VWA3A: variants seen among roughly 807,000 people sequenced by gnomAD.
VWA3A encodes von Willebrand factor A domain containing 3A.
A neutral mutation model predicts 160.4 loss-of-function variants in VWA3A; 134 were observed. That is an observed-to-expected ratio of 0.84 (90% CI 0.73 to 0.96). The LOEUF is 0.96. Ranked by LOEUF, VWA3A falls within the 40% of genes least tolerant of loss-of-function variation. VWA3A has a pLI of 0.00. For missense variants in VWA3A, 1,310 were observed against 1,447.9 expected (o/e 0.90, Z 1.55); for synonymous variants, 476 against 543.4 (o/e 0.88, Z 1.72).
At chr16:22,122,730 G>A (rs1031703265) in intron 14 of VWA3A, among the ~76,000 whole-genome samples, 5 of 152,114 alleles carry the variant, frequency 3.3e-5, no homozygotes, top group African/African-American at 9.7e-5. Context: ...ATATTTTAAG[G>A]TCTCCAACTG....
chr16:22,106,552 C>T (rs556977791), intron 6 of VWA3A, among the ~76,000 whole-genome samples: 2 of 152,002 alleles, frequency 1.3e-5, no homozygotes, highest in South Asian at 2.1e-4. Context: ...GAGGCAGGAA[C>T]GAGCTTGGTA....
At chr16:22,126,429 T>A in intron 17 of VWA3A, 132 bp downstream of exon 17, 1 of 1,291,536 alleles carries the variant, frequency 7.7e-7, no homozygotes, top group Non-Finnish European at 1.0e-6. Context: ...AGGATAGCCA[T>A]CGGTTTATCT....
intron 6 of VWA3A, among the ~76,000 whole-genome samples, chr16:22,105,337 T>C (rs565841782): frequency 6.6e-6 from 1 of 152,262 alleles, no homozygotes; most frequent in South Asian, 2.1e-4. Flanking sequence ...AGGGAAACGA[T>C]CACCTGTAAA....
At chr16:22,120,885 A>ATT in intron 12 of VWA3A, 83 bp from the exon 13 acceptor site, 1 of 1,535,748 alleles carries the variant, frequency 6.5e-7, no homozygotes, top group Non-Finnish European at 8.9e-7. Context: ...CTCCACTTGC[A>ATT]TTGACTGGGT....
Position 22,113,363 on chromosome 16 carries a change from C to CTTTTTTTTTTTTTTTTTTTTTT in VWA3A, c.690-1972_690-1951dup, listed in dbSNP as rs569069206. Among the ~76,000 whole-genome samples, 16 of 46,258 alleles carry CTTTTTTTTTTTTTTTTTTTTTT rather than the reference C, an allele frequency of 3.5e-4. 2 individuals carry two copies. Among genetic ancestry groups the CTTTTTTTTTTTTTTTTTTTTTT allele is most frequent in the East Asian group, 1.3e-3 (1 of 794 alleles). 30.3% of individuals were successfully genotyped at this position (46,258 alleles called of 152,430 possible). On this transcript the variant is annotated intron_variant, in intron 8 of 33. Coordinates refer to ENST00000389398, the MANE Select transcript of VWA3A (RefSeq NM_173615.5). ...TGCTCCACAATGCCTGGCTAATTTT[C>CTTTTTTTTTTTTTTTTTTTTTT]TTTTTTTTTTTTTTTTTTTTTTTTT...
chr16:22,121,500 C>T lies in VWA3A; in HGVS notation c.1253-14C>T, dbSNP rs2045733374. 3 of 1,603,456 alleles carry T rather than the reference C, an allele frequency of 1.9e-6. No individual in the cohort carries two copies. Among genetic ancestry groups the T allele is most frequent in the Non-Finnish European group, 1.7e-6 (2 of 1,171,312 alleles). On this transcript the variant is annotated splice_polypyrimidine_tract_variant and intron_variant, in intron 13 of 33. Transcript: ENST00000389398. ...TTCTCAGGCAGTGCCTCCAACCTCA[C>T]ACTTTTTTTTCAGCCAAGAAATTAA...
At chr16:22,092,876 G>A (rs1183861432) in intron 1 of VWA3A, among the ~76,000 whole-genome samples, 1 of 152,006 alleles carries the variant, frequency 6.6e-6, no homozygotes, top group Non-Finnish European at 1.5e-5. Context: ...CAAGTGAAGG[G>A]GCAGCGACAG....
Position 22,150,685 on chromosome 16 carries a change from G to A in VWA3A, c.3130-10G>A, listed in dbSNP as rs372065983. 105 of 1,602,286 alleles carry A rather than the reference G, an allele frequency of 6.6e-5. No homozygotes were observed. Among genetic ancestry groups the A allele is most frequent in the African/African-American group, 1.5e-4 (11 of 74,648 alleles). On this transcript the variant is annotated splice_polypyrimidine_tract_variant and intron_variant, in intron 29 of 33. Coordinates refer to ENST00000389398, the MANE Select transcript of VWA3A (RefSeq NM_173615.5). Reference sequence around the variant, plus strand: ...CCCCTGAGCCTGACAGCCTTCCTGCGTTCTTTCAGAAAGCTTTCAGTTTCC... The same window carrying A: ...CCCCTGAGCCTGACAGCCTTCCTGCATTCTTTCAGAAAGCTTTCAGTTTCC...
chr16:22,134,500 A>G, intron 21 of VWA3A, 62 bp downstream of exon 21: 1 of 1,408,806 alleles, frequency 7.1e-7, no homozygotes, highest in South Asian at 1.3e-5. Flanking sequence ...TGGGGCTACC[A>G]TAACTGCCAC....
At chr16:22,146,612 G>A (rs1289409934) in intron 27 of VWA3A, among the ~76,000 whole-genome samples, 3 of 151,978 alleles carry the variant, frequency 2.0e-5, no homozygotes, top group African/African-American at 7.3e-5. Context: ...GATGAAACCC[G>A]TCTCTACTAA....
intron 21 of VWA3A, among the ~76,000 whole-genome samples, chr16:22,136,895 G>GCACACA (rs113954328): frequency 2.3e-4 from 33 of 142,680 alleles, no homozygotes; most frequent in African/African-American, 7.9e-4. Context: ...ACACACACAC[G>GCACACA]CACACACACA....
At chr16:22,137,901 G>A (rs574344452) in intron 21 of VWA3A, among the ~76,000 whole-genome samples, 1 of 152,322 alleles carries the variant, frequency 6.6e-6, no homozygotes, top group East Asian at 1.9e-4. Flanking sequence ...CAACGGGGAT[G>A]CAAACAGCCA....
At position 22,100,340 on chromosome 16, in the gene VWA3A, G is replaced by A. The variant is rs552730939; in HGVS notation, c.350+22G>A. The stretch of plus-strand genomic sequence containing the variant: ...TGCTGTAAGTCTGAAGCTGTTCCCC[G>A]CACCCCCCACAGCTGCAGTGACACA... On this transcript the variant is annotated intron_variant, in intron 4 of 33. Transcript: ENST00000389398. 5.6e-5 allele frequency: 87 copies of A among 1,551,478 alleles called. 2 individuals carry two copies. Among genetic ancestry groups the A allele is most frequent in the East Asian group, 4.2e-4 (17 of 40,904 alleles).
intron 29 of VWA3A, 93 bp downstream of exon 29, chr16:22,150,024 C>T (rs144876688): frequency 4.7e-5 from 68 of 1,449,120 alleles, no homozygotes; most frequent in Non-Finnish European, 6.1e-5. Context: ...TTACAAAGGG[C>T]GCTTTATAAT....
intron 7 of VWA3A, among the ~76,000 whole-genome samples, chr16:22,109,928 T>G (rs1242589768): frequency 2.0e-5 from 3 of 152,206 alleles, no homozygotes; most frequent in African/African-American, 7.2e-5. Flanking sequence ...GAAGAGCTAT[T>G]CTGGTTTCTT....
chr16:22,118,906 ACAC>A lies in VWA3A; in HGVS notation c.998_1000del (p.Thr333del). The A allele has an allele frequency of 6.2e-7, 1 of 1,613,768 alleles. No homozygotes were observed. The highest frequency in any genetic ancestry group is 8.5e-7 in the Non-Finnish European group (1 of 1,179,832). On this transcript the variant is annotated inframe_deletion, in exon 12 of 34. Coordinates refer to ENST00000389398, the MANE Select transcript of VWA3A (RefSeq NM_173615.5). ...GATTGCTCTTGCCACCCTCAGCACT[ACAC>A]CAGCCGGGACATGGATGAGCTCCTG...
chr16:22,123,135 T>C lies in VWA3A; in HGVS notation c.1407T>C (p.His469=), dbSNP rs1376806733. The stretch of plus-strand genomic sequence containing the variant: ...ACGACGGGACAGTGAAGAACATTCA[T>C]GTGGACCCACCCTTCCTCTATAAGT... ...EWHDGTVKNI[H]VDPPFLYKYQ... is the part of the protein sequence containing the mutation. The change falls in exon 15 of 34, where the codon CAT becomes CAC. Residue 469 remains histidine (H), a synonymous_variant. Transcript: ENST00000389398. 1 of 1,605,778 alleles carries C rather than the reference T, an allele frequency of 6.2e-7. No individual in the cohort carries two copies. Among genetic ancestry groups the C allele is most frequent in the Admixed American group, 1.7e-5 (1 of 58,904 alleles).
At chr16:22,121,168 G>T in intron 13 of VWA3A, 65 bp downstream of exon 13, 1 of 1,605,824 alleles carries the variant, frequency 6.2e-7, no homozygotes, top group African/African-American at 1.3e-5. Flanking sequence ...GAATCCGGCC[G>T]GGCACAGTGG....
chr16:22,119,798 G>A (rs1264051731), intron 12 of VWA3A, among the ~76,000 whole-genome samples: 2 of 152,056 alleles, frequency 1.3e-5, no homozygotes, highest in South Asian at 2.1e-4. Context: ...CAGGTGGATC[G>A]CTTGAGGTGA....
Sources: allele counts gnomAD v4.1 joint callset (sites outside exome capture counted in the v4.1 genomes callset), GRCh38; gene constraint gnomAD v4.1.1; transcripts MANE v1.5; gene names NCBI Gene and HGNC (gene_info 2026-07-23, HGNC 2026-07-21).